Variants in OVCH1 observed in about 807,000 individuals in gnomAD.
OVCH1 encodes the protein ovochymase-1.
In OVCH1, 139 loss-of-function variants were observed where a neutral mutation model predicts 138.4. The observed-to-expected ratio is 1.00, with a 90% CI of 0.87 to 1.16. The LOEUF is 1.16. Among genes scored for constraint, OVCH1 ranks in the 50% most tolerant of loss-of-function variants. The probability of loss-of-function intolerance (pLI) is 0.00; values close to 1 mark genes in which losing one functional copy is unlikely to be tolerated. For synonymous variants in OVCH1, 453 were observed against 467.8 expected, an observed-to-expected ratio of 0.97 and a Z score of 0.41; for missense variants, 1,367 against 1,357.9, an observed-to-expected ratio of 1.01 and a Z score of -0.11.
chr12:29,430,417 A>G (rs1023307297), intron 27 of OVCH1, among the ~76,000 whole-genome samples: 7 of 152,112 alleles, frequency 4.6e-5, no homozygotes, highest in African/African-American at 1.7e-4. Context: ...GTGGGTAGGG[A>G]AGGACCATTA....
At chr12:29,482,338 C>T (rs1203154917) in intron 8 of OVCH1, among the ~76,000 whole-genome samples, 13 of 152,062 alleles carry the variant, frequency 8.5e-5, no homozygotes, top group Admixed American at 8.5e-4. Context: ...TTGCTTTATC[C>T]AAGTCCTTTT....
chr12:29,467,919 A>G (rs1426528319), intron 16 of OVCH1, among the ~76,000 whole-genome samples: 1 of 152,194 alleles, frequency 6.6e-6, no homozygotes, highest in Non-Finnish European at 1.5e-5. Context: ...CGTGTAGGAC[A>G]TAGGGTTTTT....
At chr12:29,474,013 G>C (rs113503815) in intron 14 of OVCH1, among the ~76,000 whole-genome samples, 294 of 151,574 alleles carry the variant, frequency 1.9e-3, no homozygotes, top group African/African-American at 6.8e-3. Flanking sequence ...TCAGCTTGCA[G>C]ACAGCCTACT....
At chr12:29,412,971 TACTA>T (rs5797321) in intron 3 of OVCH1, among the ~76,000 whole-genome samples, 6 of 151,496 alleles carry the variant, frequency 4.0e-5, no homozygotes, top group Admixed American at 1.3e-4. Flanking sequence ...CTCCTAAGCC[TACTA>T]ACTAACTAGT....
rs79389347 is a variant in OVCH1 at position 29,456,466 on chromosome 12, T to A, written c.2281-1061A>T. Among the ~76,000 whole-genome samples the A allele has an allele frequency of 4.9e-3, 744 of 152,354 alleles. 7 individuals are homozygous for A. Among genetic ancestry groups the A allele is most frequent in the African/African-American group, 0.017 (716 of 41,580 alleles). On this transcript the variant is annotated intron_variant, in intron 19 of 27. Transcript: ENST00000318184. ...ACAAGCACTAAGAAGCTCTCGTAGA[T>A]GGAAGCGTCTCTCTTGAATATTTCT... is the stretch of plus-strand genomic sequence containing the variant.
intron 9 of OVCH1, among the ~76,000 whole-genome samples, chr12:29,478,339 A>G (rs1427880279): frequency 1.3e-5 from 2 of 152,164 alleles, no homozygotes; most frequent in African/African-American, 4.8e-5. Flanking sequence ...CAGGGTTATG[A>G]ATGGTTTCTA....
At chr12:29,480,312 T>C (rs1942888753) in intron 8 of OVCH1, among the ~76,000 whole-genome samples, 2 of 152,190 alleles carry the variant, frequency 1.3e-5, no homozygotes, top group Non-Finnish European at 2.9e-5. Context: ...CATTTCCAAA[T>C]GGGAAAATTG....
chr12:29,434,828 T>G (rs1941330083), intron 26 of OVCH1, among the ~76,000 whole-genome samples: 1 of 152,140 alleles, frequency 6.6e-6, no homozygotes, highest in Admixed American at 6.5e-5. Flanking sequence ...GAAAAATAAC[T>G]GAATAAAAGC....
At chr12:29,486,516 G>A (rs1391986976) in intron 7 of OVCH1, among the ~76,000 whole-genome samples, 168 bp from the exon 8 acceptor site, 1 of 152,156 alleles carries the variant, frequency 6.6e-6, no homozygotes, top group African/African-American at 2.4e-5. Context: ...TTTAAAAAAG[G>A]CTAAAGGACT....
At chr12:29,452,611 A>G (rs1204820359) in intron 21 of OVCH1, among the ~76,000 whole-genome samples, 2 of 152,226 alleles carry the variant, frequency 1.3e-5, no homozygotes, top group African/African-American at 4.8e-5. Flanking sequence ...TCAGCTTGCA[A>G]GATCTTTCAG....
At position 29,454,781 on chromosome 12, in the gene OVCH1, CAA is replaced by C. The variant is rs965276358; in HGVS notation, c.2530+58_2530+59del. The C allele has an allele frequency of 6.3e-6, 9 of 1,438,124 alleles. No homozygotes were observed. In the African/African-American group the frequency reaches 1.3e-4, roughly 20 times the overall value. The allele number at this position is 1,438,124 out of a possible 1,614,324, so 89.1% of individuals were successfully genotyped here. A position where few individuals can be genotyped will look rare whatever the true frequency, so the allele number is the denominator to read the frequency against. ...AGAAAATTTAGCAAAGCTAGACAGA[CAA>C]TGCTTCTTGCCAAATTCTGGCTGAA... On this transcript the variant is annotated intron_variant, in intron 21 of 27. Coordinates refer to ENST00000318184, the Ensembl canonical transcript of OVCH1.
intron 8 of OVCH1, among the ~76,000 whole-genome samples, chr12:29,480,252 C>T (rs1260166180): frequency 6.6e-6 from 1 of 152,186 alleles, no homozygotes; most frequent in Non-Finnish European, 1.5e-5. Flanking sequence ...ATCCATCATC[C>T]TTTTTGAGAT....
Position 29,465,227 on chromosome 12 carries a change from C to T in OVCH1, c.1857-8G>A. The T allele has an allele frequency of 3.2e-6, 5 of 1,584,226 alleles. No individual in the cohort carries two copies. The highest frequency in any genetic ancestry group is 4.3e-6 in the Non-Finnish European group (5 of 1,164,040). The stretch of plus-strand genomic sequence containing the variant: ...GAGAGTGGATTATTCTTCCTGGAGA[C>T]AGAAGAACAGTGAAAGTTTGACATG... On this transcript the variant is annotated splice_region_variant and splice_polypyrimidine_tract_variant and intron_variant, in intron 16 of 27. Transcript: ENST00000318184.
At chr12:29,486,451 T>C (rs1166609314) in intron 7 of OVCH1, 103 bp from the exon 8 acceptor site, 5 of 932,024 alleles carry the variant, frequency 5.4e-6, no homozygotes, top group Non-Finnish European at 7.9e-6. Flanking sequence ...TTATAACTTC[T>C]ACTAAAATCA....
chr12:29,415,622 T>C (rs191014811), intron 3 of OVCH1, among the ~76,000 whole-genome samples: 15 of 152,296 alleles, frequency 9.8e-5, no homozygotes, highest in Admixed American at 9.8e-4. Context: ...ATCTGTATGC[T>C]GAAAATTGCA....
intron 7 of OVCH1, chr12:29,486,873 C>T (rs1460793844): frequency 2.2e-6 from 1 of 455,144 alleles, no homozygotes; most frequent in East Asian, 7.0e-5. Context: ...ACCTTGTCAA[C>T]TTTCCCTTCC....
intron 4 of OVCH1, among the ~76,000 whole-genome samples, chr12:29,494,054 A>G (rs1244035331): frequency 6.6e-6 from 1 of 152,188 alleles, no homozygotes; most frequent in Non-Finnish European, 1.5e-5. Context: ...AACCTGAGTG[A>G]GGCCTGGCTC....
At chr12:29,480,187 C>T (rs1373709954) in intron 8 of OVCH1, among the ~76,000 whole-genome samples, 1 of 152,058 alleles carries the variant, frequency 6.6e-6, no homozygotes, top group Non-Finnish European at 1.5e-5. Context: ...TATAAGCTGT[C>T]TAAAATATTA....
chr12:29,411,010 T>C (rs13378057), downstream of OVCH1, among the ~76,000 whole-genome samples: 83,581 of 149,288 alleles, frequency 0.56, 25,473 homozygotes, highest in Middle Eastern at 0.78. Context: ...TAGTTTTTTT[T>C]ATTCTTTTTT....
Sources: allele counts gnomAD v4.1 joint callset (sites outside exome capture counted in the v4.1 genomes callset), GRCh38; gene constraint gnomAD v4.1.1; transcripts MANE v1.5; gene names NCBI Gene and HGNC (gene_info 2026-07-23, HGNC 2026-07-21).